Variants in PLEKHG1 observed in about 807,000 individuals in gnomAD.
PLEKHG1 encodes the protein pleckstrin homology and RhoGEF domain containing G1, also known as pleckstrin homology domain-containing family G member 1.
In PLEKHG1, 44 loss-of-function variants were observed where a neutral mutation model predicts 100.8. The ratio of observed to expected loss-of-function variants is 0.44; its 90% confidence interval spans 0.34 to 0.56. PLEKHG1 has a LOEUF of 0.56. PLEKHG1 is among the 20% of genes least tolerant of loss of function. The pLI is 0.01. For synonymous variants in PLEKHG1, 640 were observed against 662.5 expected, an observed-to-expected ratio of 0.97 and a Z score of 0.52; for missense variants, 1,545 against 1,720.9, an observed-to-expected ratio of 0.90 and a Z score of 1.81.
At chr6:150,640,291 C>T (rs1220091144) in intron 2 of PLEKHG1, among the ~76,000 whole-genome samples, 2 of 152,250 alleles carry the variant, frequency 1.3e-5, no homozygotes, top group Non-Finnish European at 2.9e-5. Context: ...AATGCGCAGG[C>T]TTGCCCAACT....
intron 10 of PLEKHG1, among the ~76,000 whole-genome samples, chr6:150,812,924 C>T (rs1192987358): frequency 6.6e-6 from 1 of 152,040 alleles, no homozygotes; most frequent in Non-Finnish European, 1.5e-5. Flanking sequence ...ACAAAGGGTT[C>T]GATTTCACTC....
At chr6:150,826,066 C>T (rs1776582910) in intron 14 of PLEKHG1, among the ~76,000 whole-genome samples, 1 of 152,028 alleles carries the variant, frequency 6.6e-6, no homozygotes, top group Admixed American at 6.6e-5. Context: ...CTGTAATCCC[C>T]AGCCACTCAG....
chr6:150,622,602 C>T (rs966281255), intron 1 of PLEKHG1, among the ~76,000 whole-genome samples: 1 of 152,180 alleles, frequency 6.6e-6, no homozygotes, highest in Non-Finnish European at 1.5e-5. Flanking sequence ...CACCCCTCAC[C>T]AGCCTCCCCC....
chr6:150,768,400 T>C (rs1365928946), intron 2 of PLEKHG1, among the ~76,000 whole-genome samples: 3 of 152,176 alleles, frequency 2.0e-5, no homozygotes, highest in African/African-American at 7.2e-5. Flanking sequence ...GAAGCTCTAA[T>C]ATATTTAGGG....
chr6:150,795,548 A>G (rs894532785), intron 4 of PLEKHG1, among the ~76,000 whole-genome samples: 1 of 151,536 alleles, frequency 6.6e-6, no homozygotes, highest in Non-Finnish European at 1.5e-5. Context: ...CTAGGAAAAC[A>G]TTGTGAAAGA....
At chr6:150,835,292 G>A (rs555582057) in intron 15 of PLEKHG1, among the ~76,000 whole-genome samples, 6 of 152,170 alleles carry the variant, frequency 3.9e-5, no homozygotes, top group African/African-American at 1.4e-4. Flanking sequence ...TGGGTTTTTT[G>A]GTGATGTTTC....
chr6:150,666,455 C>T (rs1779396956), intron 3 of PLEKHG1, among the ~76,000 whole-genome samples: 1 of 152,196 alleles, frequency 6.6e-6, no homozygotes, highest in Non-Finnish European at 1.5e-5. Context: ...TTGGTCCGTT[C>T]ATTGCTAACT....
Position 150,811,042 on chromosome 6 carries a change from T to G in PLEKHG1, c.1278+1308T>G, listed in dbSNP as rs768387334. Among the ~76,000 whole-genome samples the G allele has an allele frequency of 5.3e-5, 8 of 152,116 alleles. 1 individual carries two copies. Among genetic ancestry groups the G allele is most frequent in the Non-Finnish European group, 1.0e-4 (7 of 68,016 alleles). On this transcript the variant is annotated intron_variant, in intron 10 of 15. Transcript: ENST00000358517. ...TATTCAAAGGTGCATGAAGCACCTATGGGTGTAAAGCTGTGCTGGGTCCCA... is the reference window on the plus strand; with the variant it reads ...TATTCAAAGGTGCATGAAGCACCTAGGGGTGTAAAGCTGTGCTGGGTCCCA...
chr6:150,800,775 G>T (rs1322531927), exon 6 of PLEKHG1: 1 of 1,613,822 alleles, frequency 6.2e-7, no homozygotes, highest in Non-Finnish European at 8.5e-7. Flanking sequence ...AAATTCTTCA[G>T]GGAGCGTCAG....
Position 150,674,684 on chromosome 6 carries a change from C to CTCTCTCTCTCTCTCTCTCTCTCTCTCT in PLEKHG1, c.-99+23898_-99+23899insTCTCTCTCTCTCTCTCTCTCTCTCTCT, listed in dbSNP as rs1562427910. ...CTCTCTCTCTCTCTCTCTCTCTCTC[C>CTCTCTCTCTCTCTCTCTCTCTCTCTCT]CCCCTCTTCTCTTCTTTCCATGGAG... is the stretch of plus-strand genomic sequence containing the variant. On this transcript the variant is annotated intron_variant, in intron 3 of 3. Coordinates refer to the PLEKHG1 transcript ENST00000367326. Among the ~76,000 whole-genome samples the CTCTCTCTCTCTCTCTCTCTCTCTCTCT allele has an allele frequency of 2.7e-5, 2 of 73,360 alleles. 1 individual carries two copies. The highest frequency in any genetic ancestry group is 5.3e-5 in the Non-Finnish European group (2 of 37,676). 48.1% of individuals were successfully genotyped at this position (73,360 alleles called of 152,430 possible). A position where few individuals can be genotyped will look rare whatever the true frequency, so the allele number is the denominator to read the frequency against.
chr6:150,726,668 T>G (rs1583011321), intron 1 of PLEKHG1, among the ~76,000 whole-genome samples: 1 of 152,300 alleles, frequency 6.6e-6, no homozygotes, highest in Non-Finnish European at 1.5e-5. Context: ...ACAAGATTTT[T>G]TTTTCACTCC....
chr6:150,640,996 G>C (rs554839591), intron 2 of PLEKHG1, among the ~76,000 whole-genome samples: 79 of 152,238 alleles, frequency 5.2e-4, no homozygotes, highest in African/African-American at 1.7e-3. Flanking sequence ...CAGTTTCATA[G>C]TGAAAAACTT....
intron 3 of PLEKHG1, among the ~76,000 whole-genome samples, chr6:150,783,170 A>G: frequency 1.3e-5 from 1 of 79,202 alleles, no homozygotes; most frequent in East Asian, 3.2e-4. Flanking sequence ...AAAAAAAACT[A>G]AAAAAAAAAA....
intron 1 of PLEKHG1, among the ~76,000 whole-genome samples, chr6:150,632,790 T>C (rs1777817346): frequency 1.3e-5 from 2 of 152,170 alleles, no homozygotes; most frequent in Admixed American, 6.5e-5. Flanking sequence ...AAGAATACTT[T>C]ATAAGACCTT....
chr6:150,652,501 T>G (rs1464055427), intron 3 of PLEKHG1, among the ~76,000 whole-genome samples: 1 of 152,018 alleles, frequency 6.6e-6, no homozygotes, highest in African/African-American at 2.4e-5. Flanking sequence ...GGGGGGTGGA[T>G]CACGAGGTCA....
At chr6:150,754,494 C>T (rs369099729) in intron 2 of PLEKHG1, among the ~76,000 whole-genome samples, 2 of 152,012 alleles carry the variant, frequency 1.3e-5, no homozygotes, top group South Asian at 4.1e-4. Flanking sequence ...TTAGGATGTC[C>T]TTGCAGTAGT....
Position 150,805,937 on chromosome 6 carries a change from A to G in PLEKHG1, c.912+1196A>G, listed in dbSNP as rs1787060791. Among the ~76,000 whole-genome samples, 3 of 152,196 alleles carry G rather than the reference A, an allele frequency of 2.0e-5. No individual in the cohort carries two copies. The South Asian group carries it at 6.2e-4, about 32-fold the overall frequency. ...TTTGACAGCTGTTGGGCCAGTGATC[A>G]TGCCCTGGGCACCTCAATAGATGCA... On this transcript the variant is annotated intron_variant, in intron 7 of 15. Transcript: ENST00000358517.
At chr6:150,779,397 G>A (rs1785185518) in intron 3 of PLEKHG1, among the ~76,000 whole-genome samples, 1 of 139,888 alleles carries the variant, frequency 7.1e-6, no homozygotes, top group Non-Finnish European at 1.5e-5. Context: ...CTAGGCTGGA[G>A]TGCAATGGCG....
At chr6:150,710,973 T>C (rs1781222020) in intron 3 of PLEKHG1, among the ~76,000 whole-genome samples, 1 of 152,182 alleles carries the variant, frequency 6.6e-6, no homozygotes, top group Non-Finnish European at 1.5e-5. Context: ...CCTGTTCAGA[T>C]GATCCTTCAG....
Sources: gnomAD v4.1 joint callset for allele counts (sites outside exome capture counted in the v4.1 genomes callset) on GRCh38, gnomAD v4.1.1 for gene constraint, MANE v1.5 for transcripts, NCBI Gene and HGNC (gene_info 2026-07-23, HGNC 2026-07-21) for gene names.